Variants in GFM2 observed in about 807,000 individuals in gnomAD.
GFM2 encodes GTP dependent ribosome recycling factor mitochondrial 2.
Under a neutral mutation model 95.4 loss-of-function variants are expected in GFM2, and 72 were observed. The ratio of observed to expected loss-of-function variants is 0.76; its 90% CI spans 0.62 to 0.92. The LOEUF is 0.92. Among genes scored for constraint, GFM2 ranks in the 40% least tolerant of loss-of-function variants. The pLI, the probability that GFM2 is intolerant of heterozygous loss-of-function variation, is 0.00. For missense variants in GFM2, 825 were observed against 924.1 expected (o/e 0.89, Z 1.39); for synonymous variants, 276 against 317.5 (o/e 0.87, Z 1.39).
intron 5 of GFM2, among the ~76,000 whole-genome samples, chr5:74,754,740 G>C (rs1743893762): frequency 6.6e-6 from 1 of 152,138 alleles, no homozygotes; most frequent in Admixed American, 6.6e-5. Context: ...TAAGAAATGA[G>C]ATAGCAACAC....
chr5:74,754,508 G>T (rs1006158249), intron 5 of GFM2, among the ~76,000 whole-genome samples: 3 of 151,950 alleles, frequency 2.0e-5, no homozygotes, highest in Non-Finnish European at 4.4e-5. Flanking sequence ...TAAGGTAAAG[G>T]GGGGAAAAAG....
rs148220550 is a variant in GFM2 at position 74,762,650 on chromosome 5, G to A, written c.63+1030C>T. Among the ~76,000 whole-genome samples, 395 of 152,162 alleles carry A rather than the reference G, an allele frequency of 2.6e-3. 6 individuals are homozygous for A. In the East Asian group the frequency reaches 0.031, roughly 12 times the overall value. ...AAATTGCCAGCATCACTACTCTTGC[G>A]CTCTGGGACCGTGATTAAGTAAAAT... On this transcript the variant is annotated intron_variant, in intron 2 of 20. Coordinates refer to ENST00000296805, the MANE Select transcript of GFM2 (RefSeq NM_032380.5).
chr5:74,765,695 C>A (rs1466160671), intron 1 of GFM2, among the ~76,000 whole-genome samples: 1 of 151,884 alleles, frequency 6.6e-6, no homozygotes, highest in Non-Finnish European at 1.5e-5. Flanking sequence ...GAAAATGGAG[C>A]CTTAAAAAAC....
chr5:74,726,255 A>G (rs1056764798), intron 17 of GFM2, 129 bp from the exon 18 acceptor site: 14 of 609,750 alleles, frequency 2.3e-5, no homozygotes, highest in Non-Finnish European at 4.0e-5. Context: ...AATATTAACA[A>G]TGGCACTAAA....
chr5:74,761,292 C>T (rs958512414), intron 2 of GFM2, among the ~76,000 whole-genome samples: 1 of 152,170 alleles, frequency 6.6e-6, no homozygotes, highest in African/African-American at 2.4e-5. Flanking sequence ...CCAATCCAGA[C>T]AAGAGAATCA....
At chr5:74,761,304 A>G (rs997279456) in intron 2 of GFM2, among the ~76,000 whole-genome samples, 1 of 152,228 alleles carries the variant, frequency 6.6e-6, no homozygotes, top group African/African-American at 2.4e-5. Flanking sequence ...AGAGAATCAG[A>G]AACTCTTGGG....
At chr5:74,751,983 G>C (rs1210759469) in intron 5 of GFM2, among the ~76,000 whole-genome samples, 2 of 152,070 alleles carry the variant, frequency 1.3e-5, no homozygotes, top group East Asian at 3.9e-4. Context: ...TTATTATAAG[G>C]ATGAAAGGAG....
chr5:74,721,220 C>A lies in GFM2; in HGVS notation c.*435G>T. On this transcript the variant is annotated 3_prime_UTR_variant, in exon 21 of 21. Coordinates refer to ENST00000296805, the MANE Select transcript of GFM2 (RefSeq NM_032380.5). Reference sequence around the variant, plus strand: ...CCACAGCAATCTGTACTACAATCAACTTTATTTTGAAATCATGTAAAATAA... The same window carrying A: ...CCACAGCAATCTGTACTACAATCAAATTTATTTTGAAATCATGTAAAATAA... 1 of 1,405,168 alleles carries A rather than the reference C, an allele frequency of 7.1e-7. No homozygotes were observed. The highest frequency in any genetic ancestry group is 1.0e-6 in the Non-Finnish European group (1 of 989,962). The allele number at this position is 1,405,168 out of a possible 1,614,324, so 87.0% of individuals were successfully genotyped here.
rs1743113246 is a variant in GFM2 at position 74,741,668 on chromosome 5, T to C, written c.850-59A>G. ...CATTTACTTTCATTAACTATTAATT[T>C]GTCCAAACACCATAAACAGACAATA... On this transcript the variant is annotated intron_variant, in intron 10 of 20. Coordinates refer to ENST00000296805, the MANE Select transcript of GFM2 (RefSeq NM_032380.5). 1.1e-5 allele frequency: 10 copies of C among 877,684 alleles called. No homozygotes were observed. The Admixed American group carries it at 2.2e-4, about 20-fold the overall frequency. 54.4% of individuals were successfully genotyped at this position (877,684 alleles called of 1,614,324 possible).
chr5:74,733,154 T>C (rs190379842), intron 15 of GFM2, 56 bp from the exon 16 acceptor site: 89 of 1,288,312 alleles, frequency 6.9e-5, no homozygotes, highest in Non-Finnish European at 9.1e-5. Flanking sequence ...ATTTATTATA[T>C]GTTCTAGTGG....
rs1178837676 is a variant in GFM2 at position 74,745,052 on chromosome 5, A to G, written c.849+626T>C. 3.9e-5 allele frequency among the ~76,000 whole-genome samples: 6 copies of G among 152,196 alleles called. No individual in the cohort carries two copies. In the East Asian group the frequency reaches 1.2e-3, roughly 29 times the overall value. ...ATTTATGGTAAACTAAAGAAAAGCA[A>G]ATGAGGCCCGGCGCAGTGGCTCACG... On this transcript the variant is annotated intron_variant, in intron 10 of 20. Transcript: ENST00000296805.
chr5:74,746,301 C>A (rs544064339), intron 8 of GFM2, 136 bp from the exon 9 acceptor site: 2 of 460,520 alleles, frequency 4.3e-6, no homozygotes, highest in East Asian at 6.7e-5. Context: ...CTCCTTAACG[C>A]TCACTATTTA....
chr5:74,752,321 A>G (rs1159855692), intron 5 of GFM2, among the ~76,000 whole-genome samples: 2 of 152,232 alleles, frequency 1.3e-5, no homozygotes, highest in African/African-American at 4.8e-5. Context: ...TACCATTATC[A>G]TGGCCTTATA....
chr5:74,762,685 T>C (rs996789028), intron 2 of GFM2, among the ~76,000 whole-genome samples: 26 of 152,190 alleles, frequency 1.7e-4, no homozygotes, highest in Admixed American at 7.2e-4. Flanking sequence ...TAAAGGTTAC[T>C]TGAACACAAG....
intron 17 of GFM2, 82 bp downstream of exon 17, chr5:74,730,178 A>G (rs1175924342): frequency 1.5e-6 from 2 of 1,345,476 alleles, no homozygotes; most frequent in South Asian, 1.5e-5. Flanking sequence ...ATTAGTGACT[A>G]TGAACACTGC....
In GFM2 at chr5:74,743,347, G is replaced by A. The variant is rs374177328; in HGVS notation, c.850-1738C>T. Among the ~76,000 whole-genome samples the A allele has an allele frequency of 1.0e-3, 158 of 152,156 alleles. 1 individual carries two copies. In the South Asian group the frequency reaches 0.032, roughly 31 times the overall value. ...AATCGCCATATTGTTTTCCATAGTG[G>A]CCGCAACATTTACATTCCTACCAAC... On this transcript the variant is annotated intron_variant, in intron 10 of 20. Coordinates refer to ENST00000296805, the MANE Select transcript of GFM2 (RefSeq NM_032380.5).
At position 74,738,644 on chromosome 5, in the gene GFM2, TATAAA is replaced by T. The variant is rs1222057034; in HGVS notation, c.1080-7_1080-3del. On this transcript the variant is annotated splice_region_variant and splice_polypyrimidine_tract_variant and intron_variant, in intron 12 of 20. Transcript: ENST00000296805. ...CATAAGTCATCCTTATACCACTGCC[TATAAA>T]ATAAACATTCCAAAAAGGCCTATAA... 6.3e-7 allele frequency: 1 copy of T among 1,596,566 alleles called. No individual in the cohort carries two copies. Among genetic ancestry groups the T allele is most frequent in the African/African-American group, 1.4e-5 (1 of 73,636 alleles).
intron 1 of GFM2, among the ~76,000 whole-genome samples, chr5:74,766,455 G>A (rs1486674820): frequency 2.0e-5 from 3 of 152,204 alleles, no homozygotes; most frequent in East Asian, 1.9e-4. Flanking sequence ...TTCTGCAACT[G>A]TGCAGTAAAA....
chr5:74,759,069 G>A, intron 4 of GFM2, 123 bp from the exon 5 acceptor site: 3 of 658,440 alleles, frequency 4.6e-6, no homozygotes, highest in Non-Finnish European at 7.9e-6. Flanking sequence ...CTAGAAAAAT[G>A]GAAAACATTT....
Sources: allele counts gnomAD v4.1 joint callset (sites outside exome capture counted in the v4.1 genomes callset), GRCh38; gene constraint gnomAD v4.1.1; transcripts MANE v1.5; gene names NCBI Gene and HGNC (gene_info 2026-07-23, HGNC 2026-07-21).